KLHDC9: variants seen among roughly 807,000 people sequenced by gnomAD.
The protein encoded by KLHDC9 is kelch domain containing 9, also known as kelch domain-containing protein 9.
In KLHDC9, 26 loss-of-function variants were observed where a neutral mutation model predicts 31.5. The observed-to-expected ratio is 0.83, with a 90% CI of 0.61 to 1.15. KLHDC9 has a LOEUF of 1.15. KLHDC9 is among the 50% of genes most tolerant of loss of function. The pLI is 0.00. For synonymous variants in KLHDC9, 176 were observed against 184.7 expected (o/e 0.95, Z 0.38); for missense variants, 437 against 467.7 (o/e 0.93, Z 0.61).
At position 161,098,991 on chromosome 1, in the gene KLHDC9, C is replaced by A. The variant is rs750475314; in HGVS notation, c.456C>A (p.Gly152=). 2 of 1,593,144 alleles carry A rather than the reference C, an allele frequency of 1.3e-6. No homozygotes were observed. The highest frequency in any genetic ancestry group is 1.3e-5 in the African/African-American group (1 of 74,668). Residue 152 remains glycine, a synonymous_variant, in exon 1 of 4, where the codon GGC becomes GGA. Coordinates refer to ENST00000368011, the MANE Select transcript of KLHDC9 (RefSeq NM_152366.5). The surrounding 1 kb of genome is among the most constrained non-coding windows in gnomAD (Gnocchi z 6.3). ...AGCTGCAGGTGGCTGGCCGGGAGGG[C>A]GGTATCCACACTCAGCGACGCTATG... ...DRELQVAGRE[G]GIHTQRRYGS... is the part of the protein sequence containing the mutation.
chr1:161,098,903 C>A lies in KLHDC9; in HGVS notation c.368C>A (p.Thr123Asn), dbSNP rs761422951. ...GGTGTGTGGGAGGCGTGGACAGGGA[C>A]CCCTGGTGACTGCCCCCCCGCCGGC... ...ERGVWEAWTG[T>N]PGDCPPAGLS... Residue 123 changes from threonine to asparagine, a missense_variant, in exon 1 of 4, where the codon ACC (threonine) becomes AAC (asparagine). Physicochemically the swap from Thr to Asn is moderately conservative, Grantham distance 65 (BLOSUM62 0). Transcript: ENST00000368011. This position sits in a 1 kb window ranked among gnomAD's most constrained non-coding sequence, Gnocchi z 6.3. The A allele has an allele frequency of 8.9e-6, 14 of 1,572,670 alleles. No homozygotes were observed. Among genetic ancestry groups the A allele is most frequent in the Admixed American group, 7.1e-5 (4 of 56,254 alleles).
Position 161,099,705 on chromosome 1 carries a change from T to G in KLHDC9, c.795T>G (p.Ser265=), listed in dbSNP as rs1654485304. The G allele has an allele frequency of 1.2e-6, 2 of 1,614,170 alleles. No homozygotes were observed. Among genetic ancestry groups the G allele is most frequent in the East Asian group, 4.5e-5 (2 of 44,880 alleles). ...GPHGLRHHSC[S]VVGPFAVLFG... ...ATGGACTACGGCATCACTCATGTTCTGTGGTCGGGCCCTTTGCTGTGCTGT... is the reference window on the plus strand; with the variant it reads ...ATGGACTACGGCATCACTCATGTTCGGTGGTCGGGCCCTTTGCTGTGCTGT... Residue 265 remains serine (S), a synonymous_variant, in exon 3 of 4, where the codon TCT becomes TCG. Coordinates refer to ENST00000368011, the MANE Select transcript of KLHDC9 (RefSeq NM_152366.5).
rs1037630231 is a variant in KLHDC9, at chr1:161,098,491, C to G, written c.-45C>G. ...GTGCCTGGCCTGCCATGTAGGGGCTCGTTCCAAGCCGCAGACCCCACCGCC... is the reference window on the plus strand; with the variant it reads ...GTGCCTGGCCTGCCATGTAGGGGCTGGTTCCAAGCCGCAGACCCCACCGCC... On this transcript the variant is annotated 5_prime_UTR_variant, in exon 1 of 4. Coordinates refer to ENST00000368011, the MANE Select transcript of KLHDC9 (RefSeq NM_152366.5). The surrounding 1 kb of genome is among the most constrained non-coding windows in gnomAD (Gnocchi z 6.3). The G allele has an allele frequency of 1.6e-5, 23 of 1,480,118 alleles. No individual in the cohort carries two copies. Among genetic ancestry groups the G allele is most frequent in the Admixed American group, 7.2e-5 (3 of 41,772 alleles). 91.7% of individuals were successfully genotyped at this position (1,480,118 alleles called of 1,614,324 possible).
In KLHDC9 at chr1:161,098,771, G is replaced by T. The variant is rs143482814; in HGVS notation, c.236G>T (p.Arg79Leu). The T allele has an allele frequency of 7.6e-4, 1,219 of 1,599,090 alleles. 2 individuals are homozygous for T. The highest frequency in any genetic ancestry group is 9.9e-4 in the Non-Finnish European group (1,156 of 1,172,738). ...VRLGARGSPP[R>L]SHHDAAPVDG... is the part of the protein sequence containing the mutation. ...TTGGGAGCCCGGGGCAGCCCCCCGC[G>T]CAGTCACCACGACGCGGCACCCGTG... The change falls in exon 1 of 4, where the codon CGC becomes CTC. Residue 79 changes from arginine (R) to leucine (L), a missense_variant. Arg to Leu is a moderately radical substitution (Grantham distance 102). Coordinates refer to ENST00000368011, the MANE Select transcript of KLHDC9 (RefSeq NM_152366.5). The surrounding 1 kb of genome is among the most constrained non-coding windows in gnomAD (Gnocchi z 6.3).
rs1654516656 is a variant in KLHDC9 at position 161,100,243 on chromosome 1, A to G, written c.*19A>G. On this transcript the variant is annotated 3_prime_UTR_variant, in exon 4 of 4. Transcript: ENST00000368011. ...TATCTAAATAGTGCCAAGACACATC[A>G]CTAAGCCTCGTTTTGTTTTGCTTTG... 6.2e-7 allele frequency: 1 copy of G among 1,605,548 alleles called. No homozygotes were observed. The highest frequency in any genetic ancestry group is 8.5e-7 in the Non-Finnish European group (1 of 1,173,680).
At position 161,100,199 on chromosome 1, in the gene KLHDC9, A is replaced by C; in HGVS notation, c.1025A>C (p.Gln342Pro). 3.7e-6 allele frequency: 6 copies of C among 1,614,218 alleles called. No homozygotes were observed. Among genetic ancestry groups the C allele is most frequent in the Non-Finnish European group, 5.1e-6 (6 of 1,180,030 alleles). Reference protein sequence around the residue: ...FGEDGRTASPQVCILDFI With the variant: ...FGEDGRTASPPVCILDFI ...GAGGATGGCAGGACAGCCAGTCCAC[A>C]GGTTTGCATCCTGGACTTTATCTAA... Residue 342 changes from glutamine (Q) to proline (P), a missense_variant, in exon 4 of 4, where the codon CAG (glutamine) becomes CCG (proline). By Grantham distance (76) the Gln-to-Pro change is moderately conservative. Coordinates refer to ENST00000368011, the MANE Select transcript of KLHDC9 (RefSeq NM_152366.5).
chr1:161,099,152 C>T lies in KLHDC9; in HGVS notation c.527+90C>T, dbSNP rs571080693. ...CAGATTTCTCAGGCAATTTATCCAC[C>T]TCCTCACTCTAGCACCCTCCTTCCA... is the stretch of plus-strand genomic sequence containing the variant. On this transcript the variant is annotated intron_variant, in intron 1 of 3. Coordinates refer to ENST00000368011, the MANE Select transcript of KLHDC9 (RefSeq NM_152366.5). 1.1e-4 allele frequency: 158 copies of T among 1,416,158 alleles called. 2 individuals carry two copies. In the Admixed American group the frequency reaches 3.0e-3, roughly 27 times the overall value. The allele number at this position is 1,416,158 out of a possible 1,614,324, so 87.7% of individuals were successfully genotyped here. A position where few individuals can be genotyped will look rare whatever the true frequency, so the allele number is the denominator to read the frequency against.
Position 161,100,293 on chromosome 1 carries a change from C to CA in KLHDC9, c.*69_*70insA. On this transcript the variant is annotated 3_prime_UTR_variant, in exon 4 of 4. Transcript: ENST00000368011. ...GTTGCAAACCTATAAAGCGTTATCACCAGAGCTATCTGCTTCACTTCAAAT... is the reference window on the plus strand; with the variant it reads ...GTTGCAAACCTATAAAGCGTTATCACACAGAGCTATCTGCTTCACTTCAAAT... 7.1e-7 allele frequency: 1 copy of CA among 1,408,466 alleles called. No individual in the cohort carries two copies. The highest frequency in any genetic ancestry group is 2.3e-5 in the East Asian group (1 of 43,132). The allele number at this position is 1,408,466 out of a possible 1,614,324, so 87.2% of individuals were successfully genotyped here.
chr1:161,099,094 C>G (rs1406120429), intron 1 of KLHDC9, 32 bp downstream of exon 1: 7 of 1,585,304 alleles, frequency 4.4e-6, no homozygotes, highest in Non-Finnish European at 4.3e-6. Flanking sequence ...ACCTTTCACT[C>G]TCATCCACAC....
chr1:161,099,112 A>G lies in KLHDC9; in HGVS notation c.527+50A>G, dbSNP rs780862205. ...TTTCACTCTCATCCACACTCTCGAA[A>G]AACAAAAGCCTAAGCAGATTTCTCA... is the stretch of plus-strand genomic sequence containing the variant. On this transcript the variant is annotated intron_variant, in intron 1 of 3. Transcript: ENST00000368011. 1.9e-6 allele frequency: 3 copies of G among 1,565,366 alleles called. No homozygotes were observed. The Admixed American group carries it at 5.2e-5, about 27-fold the overall frequency.
intron 1 of KLHDC9, 67 bp from the exon 2 acceptor site, chr1:161,099,278 TG>T (rs1448609359): frequency 6.3e-7 from 1 of 1,583,080 alleles, no homozygotes; most frequent in Non-Finnish European, 8.7e-7. Flanking sequence ...CATCCATCCT[TG>T]GCAAGGGCGG....
Position 161,098,546 on chromosome 1 carries a change from C to T in KLHDC9, c.11C>T (p.Ala4Val). MAV[A>V]VPPGRAAGSG... ...CTCTCCCCGGGGCCCATGGCGGTGG[C>T]CGTGCCCCCGGGTCGGGCCGCAGGC... The change falls in exon 1 of 4, where the codon GCC becomes GTC. Residue 4 changes from alanine to valine, a missense_variant. Coordinates refer to ENST00000368011, the MANE Select transcript of KLHDC9 (RefSeq NM_152366.5). This position sits in a 1 kb window ranked among gnomAD's most constrained non-coding sequence, Gnocchi z 6.3. The T allele has an allele frequency of 6.4e-7, 1 of 1,552,058 alleles. No homozygotes were observed. Among genetic ancestry groups the T allele is most frequent in the Non-Finnish European group, 8.7e-7 (1 of 1,146,990 alleles).
chr1:161,098,429 T>G lies in KLHDC9; in HGVS notation c.-107T>G. On this transcript the variant is annotated 5_prime_UTR_variant, in exon 1 of 4. Coordinates refer to ENST00000368011, the MANE Select transcript of KLHDC9 (RefSeq NM_152366.5). This position sits in a 1 kb window ranked among gnomAD's most constrained non-coding sequence, Gnocchi z 6.3. ...GGTGGGAACCCCGGCTGGCGTCCGG[T>G]AGGGGGAGGTTCCCGGGGAAGCCCG... The G allele has an allele frequency of 3.9e-6, 4 of 1,013,442 alleles. No individual in the cohort carries two copies. The highest frequency in any genetic ancestry group is 1.9e-5 in the South Asian group (1 of 52,292). 62.8% of individuals were successfully genotyped at this position (1,013,442 alleles called of 1,614,324 possible).
Position 161,098,479 on chromosome 1 carries a change from C to T in KLHDC9, c.-57C>T. Reference sequence around the variant, plus strand: ...GCGGAAGGCGAGGTGCCTGGCCTGCCATGTAGGGGCTCGTTCCAAGCCGCA... The same window carrying T: ...GCGGAAGGCGAGGTGCCTGGCCTGCTATGTAGGGGCTCGTTCCAAGCCGCA... On this transcript the variant is annotated 5_prime_UTR_variant, in exon 1 of 4. Coordinates refer to ENST00000368011, the MANE Select transcript of KLHDC9 (RefSeq NM_152366.5). The surrounding 1 kb of genome is among the most constrained non-coding windows in gnomAD (Gnocchi z 6.3). The T allele has an allele frequency of 7.0e-7, 1 of 1,435,552 alleles. No homozygotes were observed. Among genetic ancestry groups the T allele is most frequent in the South Asian group, 1.4e-5 (1 of 71,092 alleles). 88.9% of individuals were successfully genotyped at this position (1,435,552 alleles called of 1,614,324 possible).
In KLHDC9 at chr1:161,098,461, G is replaced by T; in HGVS notation, c.-75G>T. On this transcript the variant is annotated 5_prime_UTR_variant, in exon 1 of 4. Coordinates refer to ENST00000368011, the MANE Select transcript of KLHDC9 (RefSeq NM_152366.5). The surrounding 1 kb of genome is among the most constrained non-coding windows in gnomAD (Gnocchi z 6.3). Reference sequence around the variant, plus strand: ...AGGTTCCCGGGGAAGCCCGCGGAAGGCGAGGTGCCTGGCCTGCCATGTAGG... The same window carrying T: ...AGGTTCCCGGGGAAGCCCGCGGAAGTCGAGGTGCCTGGCCTGCCATGTAGG... 3 of 1,322,778 alleles carry T rather than the reference G, an allele frequency of 2.3e-6. No homozygotes were observed. Among genetic ancestry groups the T allele is most frequent in the Non-Finnish European group, 2.0e-6 (2 of 1,000,594 alleles). 81.9% of individuals were successfully genotyped at this position (1,322,778 alleles called of 1,614,324 possible). A position where few individuals can be genotyped will look rare whatever the true frequency, so the allele number is the denominator to read the frequency against.
chr1:161,099,328 AT>A lies in KLHDC9; in HGVS notation c.528-15del. 1 of 1,614,022 alleles carries A rather than the reference AT, an allele frequency of 6.2e-7. No individual in the cohort carries two copies. On this transcript the variant is annotated splice_polypyrimidine_tract_variant and intron_variant, in intron 1 of 3. Transcript: ENST00000368011. ...TTCCAGAAAACCCACTCAGCCCTGAATTTCTGCATGTCCACAGCTACAAGCA... is the reference window on the plus strand; with the variant it reads ...TTCCAGAAAACCCACTCAGCCCTGAATTCTGCATGTCCACAGCTACAAGCA...
chr1:161,098,802 G>A lies in KLHDC9; in HGVS notation c.267G>A (p.Gly89=), dbSNP rs1128747. 2.5e-6 allele frequency: 4 copies of A among 1,588,440 alleles called. No individual in the cohort carries two copies. The African/African-American group carries it at 5.4e-5, about 21-fold the overall frequency. The change falls in exon 1 of 4, where the codon GGG becomes GGA. Residue 89 remains glycine (G), a synonymous_variant. Coordinates refer to ENST00000368011, the MANE Select transcript of KLHDC9 (RefSeq NM_152366.5). The surrounding 1 kb of genome is among the most constrained non-coding windows in gnomAD (Gnocchi z 6.3). The stretch of plus-strand genomic sequence containing the variant: ...ACCACGACGCGGCACCCGTGGACGG[G>A]CGTTGGCTCTGCGTGGTGGGCGGCT... The part of the protein sequence containing the change: ...RSHHDAAPVD[G]RWLCVVGGWD...
At position 161,099,765 on chromosome 1, in the gene KLHDC9, C is replaced by T. The variant is rs775121924; in HGVS notation, c.855C>T (p.Thr285=). The T allele has an allele frequency of 1.1e-5, 18 of 1,613,766 alleles. No individual in the cohort carries two copies. The highest frequency in any genetic ancestry group is 5.0e-5 in the Admixed American group (3 of 59,984). ...AAACTCTGACCAGAGCTAGAGACAC[C>T]ATCTGCAATGATCTCTACATCTATG... is the stretch of plus-strand genomic sequence containing the variant. ...GGETLTRARD[T]ICNDLYIYDT... is the part of the protein sequence containing the mutation. Residue 285 remains threonine (T), a synonymous_variant, in exon 3 of 4, where the codon ACC becomes ACT. Coordinates refer to ENST00000368011, the MANE Select transcript of KLHDC9 (RefSeq NM_152366.5).
In KLHDC9 at chr1:161,098,582, C is replaced by T. The variant is rs752323249; in HGVS notation, c.47C>T (p.Ala16Val). ...PPGRAAGSGW[A>V]WRPVARDALL... ...GGTCGGGCCGCAGGCTCAGGCTGGG[C>T]CTGGAGGCCAGTGGCGCGGGACGCG... Residue 16 changes from alanine (A) to valine (V), a missense_variant, in exon 1 of 4, where the codon GCC becomes GTC. By Grantham distance (64) the Ala-to-Val change is moderately conservative. Transcript: ENST00000368011. The surrounding 1 kb of genome is among the most constrained non-coding windows in gnomAD (Gnocchi z 6.3). 8.2e-6 allele frequency: 13 copies of T among 1,579,710 alleles called. No individual in the cohort carries two copies. The South Asian group carries it at 1.5e-4, about 18-fold the overall frequency.
Sources: allele counts gnomAD v4.1 joint callset, GRCh38; gene constraint gnomAD v4.1.1; non-coding constraint Gnocchi (gnomAD v3.1); transcripts MANE v1.5; gene names NCBI Gene and HGNC (gene_info 2026-07-23, HGNC 2026-07-21).